Variants in RBPMS2 observed in about 807,000 individuals in gnomAD.
RBPMS2 encodes RNA binding protein, mRNA processing factor 2.
RBPMS2 carries 14 observed loss-of-function variants against 25.7 expected under a neutral mutation model. That is an observed-to-expected ratio of 0.55 (90% CI 0.36 to 0.85). The LOEUF (loss-of-function observed/expected upper bound fraction) is 0.85. RBPMS2 is among the 40% of genes least tolerant of loss of function. The probability of loss-of-function intolerance (pLI) is 0.01; values close to 1 mark genes in which losing one functional copy is unlikely to be tolerated. For synonymous variants in RBPMS2, 127 were observed against 115.6 expected (o/e 1.10, Z -0.63); for missense variants, 252 against 283.4 (o/e 0.89, Z 0.80).
At chr15:64,767,012 G>C (rs1243207729) in intron 1 of RBPMS2, among the ~76,000 whole-genome samples, 3 of 152,020 alleles carry the variant, frequency 2.0e-5, no homozygotes, top group Non-Finnish European at 4.4e-5. Flanking sequence ...TTGAACTCCT[G>C]GGCTCAAGTG....
chr15:64,751,105 C>T (rs1307646955), intron 2 of RBPMS2, among the ~76,000 whole-genome samples: 3 of 152,036 alleles, frequency 2.0e-5, no homozygotes, highest in Non-Finnish European at 2.9e-5. Context: ...GAGGCCGGGG[C>T]GGGCGGATCA....
intron 1 of RBPMS2, among the ~76,000 whole-genome samples, chr15:64,766,687 G>A (rs1007352498): frequency 4.6e-5 from 7 of 151,758 alleles, no homozygotes; most frequent in East Asian, 1.9e-4. Flanking sequence ...CACCACACCC[G>A]GCTAATTTTT....
intron 4 of RBPMS2, 85 bp downstream of exon 4, chr15:64,749,346 G>A: frequency 2.2e-6 from 3 of 1,392,742 alleles, no homozygotes; most frequent in Non-Finnish European, 3.1e-6. Context: ...CTCTGCCCAG[G>A]GATGGCCGGG....
intron 1 of RBPMS2, among the ~76,000 whole-genome samples, chr15:64,763,580 G>A (rs1305333698): frequency 6.6e-6 from 1 of 152,188 alleles, no homozygotes; most frequent in Non-Finnish European, 1.5e-5. Context: ...GCTGCACCTT[G>A]TAGTTTCATT....
chr15:64,764,249 G>A (rs1220656515), intron 1 of RBPMS2, among the ~76,000 whole-genome samples: 1 of 152,172 alleles, frequency 6.6e-6, no homozygotes, highest in Non-Finnish European at 1.5e-5. Flanking sequence ...TGCCTGGCAA[G>A]GGTTGCAGTT....
At chr15:64,772,002 T>A (rs2083896120) in intron 1 of RBPMS2, among the ~76,000 whole-genome samples, 1 of 152,210 alleles carries the variant, frequency 6.6e-6, no homozygotes, top group Non-Finnish European at 1.5e-5. Context: ...CTGGATACTT[T>A]AACTCATCTC....
chr15:64,741,225 G>C lies in RBPMS2; in HGVS notation c.585C>G (p.Ser195=). ...ALHAQVRWYP[S]SDTTQQGWKY... is the part of the protein sequence containing the mutation. ...TCCATCCTTGCTGGGTGGTGTCAGA[G>C]GAAGGGTACCAGCGCACCTGCAAGA... Residue 195 remains serine, a synonymous_variant, in exon 7 of 8, where the codon TCC becomes TCG. Transcript: ENST00000300069. 6.3e-7 allele frequency: 1 copy of C among 1,592,322 alleles called. No homozygotes were observed. Among genetic ancestry groups the C allele is most frequent in the Non-Finnish European group, 8.6e-7 (1 of 1,169,376 alleles).
intron 1 of RBPMS2, among the ~76,000 whole-genome samples, chr15:64,771,958 TC>T (rs2083895784): frequency 6.6e-6 from 1 of 152,164 alleles, no homozygotes; most frequent in African/African-American, 2.4e-5. Flanking sequence ...AAACTCCCCT[TC>T]AAACAAATAA....
At chr15:64,746,513 C>T (rs907069299) in intron 6 of RBPMS2, among the ~76,000 whole-genome samples, 8 of 152,204 alleles carry the variant, frequency 5.3e-5, no homozygotes, top group African/African-American at 9.7e-5. Flanking sequence ...TGGTGGGTAA[C>T]GTGCCCAATG....
chr15:64,754,897 C>T (rs529013096), intron 1 of RBPMS2, among the ~76,000 whole-genome samples: 2 of 152,250 alleles, frequency 1.3e-5, no homozygotes, highest in South Asian at 2.1e-4. Flanking sequence ...ATGGAGGGAC[C>T]TAGATCGGTA....
intron 6 of RBPMS2, among the ~76,000 whole-genome samples, chr15:64,745,000 G>C (rs2083605488): frequency 6.6e-6 from 1 of 151,728 alleles, no homozygotes; most frequent in African/African-American, 2.4e-5. Context: ...TTTTTATAGA[G>C]ACGGGGTTTC....
intron 1 of RBPMS2, among the ~76,000 whole-genome samples, chr15:64,752,607 G>C (rs1319990607): frequency 6.6e-6 from 1 of 151,902 alleles, no homozygotes; most frequent in African/African-American, 2.4e-5. Context: ...TGAAGCATTT[G>C]ATGCTGTGAG....
intron 6 of RBPMS2, among the ~76,000 whole-genome samples, chr15:64,746,502 A>G (rs1172707716): frequency 6.6e-6 from 1 of 152,178 alleles, no homozygotes; most frequent in Non-Finnish European, 1.5e-5. Context: ...AAACACAGAG[A>G]TGGTGGGTAA....
intron 6 of RBPMS2, among the ~76,000 whole-genome samples, chr15:64,744,780 GTT>G (rs1186416683): frequency 1.6e-5 from 1 of 63,814 alleles, no homozygotes; most frequent in African/African-American, 5.1e-5. Flanking sequence ...TAATATTTAA[GTT>G]TTTTTGGTTT....
At chr15:64,748,622 C>A (rs960057072) in intron 5 of RBPMS2, 55 bp from the exon 6 acceptor site, 18 of 1,503,526 alleles carry the variant, frequency 1.2e-5, no homozygotes, top group Non-Finnish European at 1.4e-5. Context: ...CCCTTCCAAA[C>A]GGAGAAGGGG....
intron 2 of RBPMS2, 92 bp from the exon 3 acceptor site, chr15:64,750,473 G>T: frequency 9.1e-7 from 1 of 1,100,326 alleles, no homozygotes; most frequent in Non-Finnish European, 1.4e-6. Context: ...GCGTTCCCCT[G>T]AGTCATTCTC....
At position 64,743,579 on chromosome 15, in the gene RBPMS2, G is replaced by A. The variant is rs572645728; in HGVS notation, c.568-2337C>T. 3.3e-5 allele frequency among the ~76,000 whole-genome samples: 5 copies of A among 152,340 alleles called. No individual in the cohort carries two copies. In the East Asian group the frequency reaches 9.7e-4, roughly 29 times the overall value. ...CTGCTCCAGCTACAGGAGACCCCCAGGGGGCCAGGCCAGCAAGACAGGGCA... is the reference window on the plus strand; with the variant it reads ...CTGCTCCAGCTACAGGAGACCCCCAAGGGGCCAGGCCAGCAAGACAGGGCA... On this transcript the variant is annotated intron_variant, in intron 6 of 7. Transcript: ENST00000300069.
chr15:64,743,017 G>C (rs1421510741), intron 6 of RBPMS2, among the ~76,000 whole-genome samples: 1 of 152,228 alleles, frequency 6.6e-6, no homozygotes, highest in Non-Finnish European at 1.5e-5. Context: ...CCACAAGAGA[G>C]GGACACACGA....
intron 1 of RBPMS2, among the ~76,000 whole-genome samples, chr15:64,762,674 C>T (rs893964107): frequency 6.6e-6 from 1 of 152,178 alleles, no homozygotes; most frequent in African/African-American, 2.4e-5. Flanking sequence ...CCAGCCATAG[C>T]AGGTGGCTTT....
Sources: allele counts gnomAD v4.1 joint callset (sites outside exome capture counted in the v4.1 genomes callset), GRCh38; gene constraint gnomAD v4.1.1; transcripts MANE v1.5; gene names NCBI Gene and HGNC (gene_info 2026-07-23, HGNC 2026-07-21).